Variants in SOX5 observed in about 807,000 individuals in gnomAD.
The protein encoded by SOX5 is transcription factor SOX-5.
In SOX5, 9 loss-of-function variants were observed where a neutral mutation model predicts 92.0. The ratio of observed to expected loss-of-function variants is 0.10; its 90% CI spans 0.06 to 0.17. The LOEUF is 0.17. SOX5 is among the 10% of genes least tolerant of loss of function. The pLI, the probability that SOX5 is intolerant of heterozygous loss-of-function variation, is 1.00. For missense variants in SOX5, 642 were observed against 944.5 expected, an observed-to-expected ratio of 0.68 and a Z score of 4.20; for synonymous variants, 344 against 336.3, an observed-to-expected ratio of 1.02 and a Z score of -0.25.
At chr12:23,872,883 G>A (rs1357822352) in intron 2 of SOX5, among the ~76,000 whole-genome samples, 2 of 152,190 alleles carry the variant, frequency 1.3e-5, no homozygotes, top group Non-Finnish European at 2.9e-5. Context: ...TATTAAAAGA[G>A]TGATAAACAT....
At chr12:24,093,060 C>A (rs763089419) in intron 4 of SOX5, among the ~76,000 whole-genome samples, 3 of 152,078 alleles carry the variant, frequency 2.0e-5, no homozygotes, top group Non-Finnish European at 2.9e-5. Context: ...ATAAAAAAAT[C>A]ATGAGCTAAA....
At chr12:24,009,153 A>G (rs2136494756) in intron 4 of SOX5, among the ~76,000 whole-genome samples, 1 of 152,318 alleles carries the variant, frequency 6.6e-6, no homozygotes, top group African/African-American at 2.4e-5. Context: ...ATGCCTTCAG[A>G]TGATTTCAGC....
chr12:24,297,010 C>T (rs1160327835), intron 2 of SOX5, among the ~76,000 whole-genome samples: 1 of 151,962 alleles, frequency 6.6e-6, no homozygotes, highest in Non-Finnish European at 1.5e-5. Flanking sequence ...TTACCCTAAA[C>T]TGCCAGACAG....
chr12:23,692,652 G>C (rs1182700612), intron 6 of SOX5, among the ~76,000 whole-genome samples: 1 of 152,088 alleles, frequency 6.6e-6, no homozygotes, highest in African/African-American at 2.4e-5. Flanking sequence ...TAAATACTCA[G>C]TGCAGAGTTA....
chr12:24,426,663 C>A (rs777330348), intron 1 of SOX5, among the ~76,000 whole-genome samples: 10 of 152,300 alleles, frequency 6.6e-5, no homozygotes, highest in Non-Finnish European at 1.0e-4. Flanking sequence ...ATTTACTTTG[C>A]TTTTCTTCCA....
chr12:23,898,279 C>T (rs1000862256), intron 1 of SOX5, among the ~76,000 whole-genome samples: 48 of 152,228 alleles, frequency 3.2e-4, no homozygotes, highest in African/African-American at 1.0e-3. Flanking sequence ...GTTATACAAA[C>T]GTTAGCATTT....
intron 4 of SOX5, among the ~76,000 whole-genome samples, chr12:24,029,297 T>C (rs549831983): frequency 1.3e-5 from 2 of 152,110 alleles, no homozygotes; most frequent in African/African-American, 4.8e-5. Flanking sequence ...TTATTAGAGA[T>C]AGGGTCTCAT....
At chr12:23,671,191 G>A (rs1339465835) in intron 6 of SOX5, among the ~76,000 whole-genome samples, 2 of 152,092 alleles carry the variant, frequency 1.3e-5, no homozygotes, top group Admixed American at 6.6e-5. Flanking sequence ...ACAAACTTAT[G>A]GTAGGATATT....
At chr12:23,826,908 A>C (rs1413644281) in intron 3 of SOX5, among the ~76,000 whole-genome samples, 1 of 152,226 alleles carries the variant, frequency 6.6e-6, no homozygotes, top group African/African-American at 2.4e-5. Context: ...GAAACAGTGA[A>C]TCAATTCTTA....
chr12:23,676,263 A>G, intron 6 of SOX5, among the ~76,000 whole-genome samples: 1 of 152,158 alleles, frequency 6.6e-6, no homozygotes, highest in East Asian at 1.9e-4. Context: ...TGGACATGTT[A>G]ATTTACTTGA....
At chr12:23,792,487 G>A in intron 3 of SOX5, among the ~76,000 whole-genome samples, 1 of 151,510 alleles carries the variant, frequency 6.6e-6, no homozygotes, top group East Asian at 1.9e-4. Flanking sequence ...GCTGGGTGTG[G>A]TGGTGCATGC....
At chr12:24,114,103 GCT>G (rs1947696685) in intron 4 of SOX5, among the ~76,000 whole-genome samples, 1 of 152,132 alleles carries the variant, frequency 6.6e-6, no homozygotes, top group Non-Finnish European at 1.5e-5. Flanking sequence ...CCATTGATAA[GCT>G]CTGTCAAGAT....
At chr12:24,092,917 T>C (rs188018996) in intron 4 of SOX5, among the ~76,000 whole-genome samples, 117 of 152,230 alleles carry the variant, frequency 7.7e-4, no homozygotes, top group African/African-American at 2.5e-3. Flanking sequence ...ACGCCACAGA[T>C]TGACATGTGA....
chr12:24,263,527 C>CAAAAAAAAAAAAAAAAAAA (rs386375915), intron 3 of SOX5, among the ~76,000 whole-genome samples: 2 of 63,220 alleles, frequency 3.2e-5, no homozygotes, highest in Non-Finnish European at 5.5e-5. Flanking sequence ...GACTCCGTCT[C>CAAAAAAAAAAAAAAAAAAA]AAAAAAAAAA....
intron 4 of SOX5, among the ~76,000 whole-genome samples, chr12:24,110,224 A>G (rs530580664): frequency 6.6e-6 from 1 of 152,180 alleles, no homozygotes; most frequent in Non-Finnish European, 1.5e-5. Context: ...AACACCAATA[A>G]AGCTTTCAAA....
Position 23,533,998 on chromosome 12 carries a change from A to G in SOX5, c.*221T>C, listed in dbSNP as rs1056245892. On this transcript the variant is annotated 3_prime_UTR_variant, in exon 15 of 15. Coordinates refer to ENST00000451604, the MANE Select transcript of SOX5 (RefSeq NM_006940.6). The stretch of plus-strand genomic sequence containing the variant: ...ATTATTTTACCCATAGCTTATTTCA[A>G]TCTCTTGTTGTTGATATTGTTGTTT... 8.6e-6 allele frequency: 4 copies of G among 463,074 alleles called. No homozygotes were observed. Among genetic ancestry groups the G allele is most frequent in the African/African-American group, 3.9e-5 (2 of 51,084 alleles). The allele number at this position is 463,074 out of a possible 1,614,324, so 28.7% of individuals were successfully genotyped here.
intron 3 of SOX5, among the ~76,000 whole-genome samples, chr12:24,256,429 A>T (rs1319720366): frequency 6.6e-6 from 1 of 152,180 alleles, no homozygotes; most frequent in Non-Finnish European, 1.5e-5. Flanking sequence ...TCAGAGCCAA[A>T]GGCTTGCCCT....
chr12:24,496,396 G>A (rs549890201), intron 1 of SOX5, among the ~76,000 whole-genome samples: 1 of 152,226 alleles, frequency 6.6e-6, no homozygotes, highest in Admixed American at 6.5e-5. Context: ...TCATTTTTTA[G>A]TTGAAAATTA....
chr12:23,621,638 A>G (rs1029018546), intron 8 of SOX5, among the ~76,000 whole-genome samples: 6 of 152,102 alleles, frequency 3.9e-5, no homozygotes, highest in Non-Finnish European at 7.4e-5. Context: ...TTTCAAAGTA[A>G]AAGAAGGTTG....
Sources: gnomAD v4.1 joint callset for allele counts (sites outside exome capture counted in the v4.1 genomes callset) on GRCh38, gnomAD v4.1.1 for gene constraint, MANE v1.5 for transcripts, NCBI Gene and HGNC (gene_info 2026-07-23, HGNC 2026-07-21) for gene names.